SLC13A3: variants seen among roughly 807,000 people sequenced by gnomAD.
SLC13A3 encodes the protein Na(+)/dicarboxylate cotransporter 3.
A neutral mutation model predicts 59.0 loss-of-function variants in SLC13A3; 40 were observed. The ratio of observed to expected loss-of-function variants is 0.68; its 90% CI spans 0.53 to 0.88. The LOEUF (loss-of-function observed/expected upper bound fraction) is 0.88, where lower values mean the gene tolerates loss of function less well. Ranked by LOEUF, SLC13A3 falls within the 40% of genes least tolerant of loss-of-function variation. The pLI, the probability that SLC13A3 is intolerant of heterozygous loss-of-function variation, is 0.00. For synonymous variants in SLC13A3, 317 were observed against 330.3 expected (o/e 0.96, Z 0.44); for missense variants, 699 against 783.2 (o/e 0.89, Z 1.28).
At chr20:46,656,567 T>A (rs574320898) in intron 1 of SLC13A3, among the ~76,000 whole-genome samples, 15 of 147,122 alleles carry the variant, frequency 1.0e-4, no homozygotes, top group Admixed American at 2.7e-4. Flanking sequence ...ATATGATATA[T>A]ACTATACAGT....
chr20:46,573,819 C>A (rs2062049461), intron 10 of SLC13A3, among the ~76,000 whole-genome samples: 1 of 152,214 alleles, frequency 6.6e-6, no homozygotes, highest in South Asian at 2.1e-4. Flanking sequence ...GGCTTCTGCC[C>A]AGTGTACACA....
Position 46,560,088 on chromosome 20 carries a change from A to G in SLC13A3, c.1743T>C (p.Asp581=). The change falls in exon 13 of 13, where the codon GAT becomes GAC. Residue 581 remains aspartate (D), a synonymous_variant. Transcript: ENST00000279027. ...FQLGTFPDWA[D]MYSVNVTALP... ...ATGCTGTGACATTGACCGAGTACAT[A>G]TCAGCCCAGTCCGGGAAGGTGCCCA... 6.2e-7 allele frequency: 1 copy of G among 1,614,178 alleles called. No homozygotes were observed. Among genetic ancestry groups the G allele is most frequent in the Non-Finnish European group, 8.5e-7 (1 of 1,180,036 alleles).
At chr20:46,661,390 CA>C (rs1443326115) in intron 1 of SLC13A3, among the ~76,000 whole-genome samples, 2 of 152,154 alleles carry the variant, frequency 1.3e-5, no homozygotes, top group Admixed American at 1.3e-4. Context: ...AGCTTTGGTG[CA>C]GTTTTAGATT....
intron 11 of SLC13A3, among the ~76,000 whole-genome samples, 197 bp downstream of exon 11, chr20:46,566,032 T>C (rs950868768): frequency 5.3e-5 from 8 of 152,190 alleles, no homozygotes; most frequent in African/African-American, 1.9e-4. Context: ...ACTTTGAAAA[T>C]ATTTACTCTA....
upstream of SLC13A3, among the ~76,000 whole-genome samples, chr20:46,653,228 A>G (rs996778766): frequency 1.3e-5 from 2 of 152,292 alleles, no homozygotes; most frequent in East Asian, 3.9e-4. Context: ...TTAACTATAT[A>G]TCACCAAGCA....
At position 46,643,056 on chromosome 20, in the gene SLC13A3, A is replaced by G. The variant is rs115121689; in HGVS notation, c.111+8255T>C. On this transcript the variant is annotated intron_variant, in intron 1 of 12. Coordinates refer to ENST00000279027, the MANE Select transcript of SLC13A3 (RefSeq NM_022829.6). The stretch of plus-strand genomic sequence containing the variant: ...GCCAAGAACTTAGCACACAACTGGC[A>G]TTCTTTCTTTCACTTATTCGAGACA... 2.8e-3 allele frequency among the ~76,000 whole-genome samples: 430 copies of G among 152,244 alleles called. 1 individual carries two copies. The highest frequency in any genetic ancestry group is 0.01 in the African/African-American group (417 of 41,544).
chr20:46,594,473 TTCCTGTCCA>T (rs2062289971), intron 5 of SLC13A3, among the ~76,000 whole-genome samples: 1 of 152,012 alleles, frequency 6.6e-6, no homozygotes, highest in South Asian at 2.1e-4. Flanking sequence ...AGCCCACATC[TTCCTGTCCA>T]GCCCTGGGGA....
At chr20:46,654,843 T>C (rs2062973132), upstream of SLC13A3, among the ~76,000 whole-genome samples, 1 of 152,228 alleles carries the variant, frequency 6.6e-6, no homozygotes, top group African/African-American at 2.4e-5. Flanking sequence ...GAACTTCCTT[T>C]AATCATTCTT....
chr20:46,634,606 G>A (rs7261227), intron 1 of SLC13A3, among the ~76,000 whole-genome samples: 13,061 of 152,146 alleles, frequency 0.086, 568 homozygotes, highest in African/African-American at 0.098. Context: ...CAAGTTCTTG[G>A]AGCCATTCAT....
chr20:46,604,094 G>A (rs770264928), intron 3 of SLC13A3, among the ~76,000 whole-genome samples: 1 of 152,116 alleles, frequency 6.6e-6, no homozygotes, highest in African/African-American at 2.4e-5. Flanking sequence ...CAGAGCATAG[G>A]GAATGATTCT....
At chr20:46,618,900 G>A (rs1237591976) in intron 1 of SLC13A3, among the ~76,000 whole-genome samples, 2 of 152,194 alleles carry the variant, frequency 1.3e-5, no homozygotes, top group African/African-American at 4.8e-5. Flanking sequence ...TAACACTCCA[G>A]GAGTAGCTCC....
chr20:46,651,550 G>A, upstream of SLC13A3: 12 of 1,316,322 alleles, frequency 9.1e-6, no homozygotes, highest in Non-Finnish European at 1.2e-5. Context: ...TGCTCCTCCT[G>A]GAGGAAAAGG....
intron 10 of SLC13A3, among the ~76,000 whole-genome samples, chr20:46,568,884 C>T (rs973137716): frequency 6.6e-6 from 1 of 152,236 alleles, no homozygotes; most frequent in Non-Finnish European, 1.5e-5. Flanking sequence ...ACAGCTCCAG[C>T]GCTGGAGGGA....
At chr20:46,660,734 TTCTC>T (rs373906095) in intron 1 of SLC13A3, among the ~76,000 whole-genome samples, 1 of 152,180 alleles carries the variant, frequency 6.6e-6, no homozygotes, top group Admixed American at 6.5e-5. Context: ...TTTTGCCCCA[TTCTC>T]TCTCTCCTTT....
chr20:46,571,317 TAC>T (rs2062026695), intron 10 of SLC13A3, among the ~76,000 whole-genome samples: 1 of 152,158 alleles, frequency 6.6e-6, no homozygotes, highest in Non-Finnish European at 1.5e-5. Context: ...ATGGGGAGAA[TAC>T]ACATTTTCTC....
Position 46,566,244 on chromosome 20 carries a change from C to T in SLC13A3, c.1479G>A (p.Pro493=), listed in dbSNP as rs1205606883. 3.7e-6 allele frequency: 6 copies of T among 1,613,264 alleles called. No homozygotes were observed. Among genetic ancestry groups the T allele is most frequent in the East Asian group, 2.2e-5 (1 of 44,822 alleles). Residue 493 remains proline, a synonymous_variant, in exon 11 of 13, where the codon CCG becomes CCA. Transcript: ENST00000279027. ...GGACCCTCACCAGCTCTGCCAGGAC[C>T]GGCAGGAAGATGATGATGGTCGCCG... ...SNTATIIIFL[P]VLAELAIRLR...
In SLC13A3 at chr20:46,598,613, TC is replaced by T. The variant is rs1279382566; in HGVS notation, c.608+1357del. ...GGCTGAACCAATCACAGAACTCATG[TC>T]TCAAAGTTGGACTCAAAGCCCCCAA... On this transcript the variant is annotated intron_variant, in intron 4 of 12. Transcript: ENST00000279027. 3.9e-5 allele frequency among the ~76,000 whole-genome samples: 6 copies of T among 152,118 alleles called. No individual in the cohort carries two copies. The East Asian group carries it at 1.2e-3, about 29-fold the overall frequency.
Position 46,588,168 on chromosome 20 carries a change from G to C in SLC13A3, c.1017-5C>G. Reference sequence around the variant, plus strand: ...AAAACAGCCTGTTCGGCAAACCTGTGGCACAGACATGCAGGCATGATGGTG... The same window carrying C: ...AAAACAGCCTGTTCGGCAAACCTGTCGCACAGACATGCAGGCATGATGGTG... On this transcript the variant is annotated splice_region_variant and splice_polypyrimidine_tract_variant and intron_variant, in intron 7 of 12. Transcript: ENST00000279027. The C allele has an allele frequency of 1.3e-6, 2 of 1,593,970 alleles. No individual in the cohort carries two copies. The highest frequency in any genetic ancestry group is 1.7e-6 in the Non-Finnish European group (2 of 1,164,666).
At chr20:46,627,844 C>G (rs2062691866) in intron 1 of SLC13A3, among the ~76,000 whole-genome samples, 1 of 152,174 alleles carries the variant, frequency 6.6e-6, no homozygotes, top group Non-Finnish European at 1.5e-5. Flanking sequence ...AACCCCTGCT[C>G]CATTTTAAAA....
Sources: gnomAD v4.1 joint callset for allele counts (sites outside exome capture counted in the v4.1 genomes callset) on GRCh38, gnomAD v4.1.1 for gene constraint, MANE v1.5 for transcripts, NCBI Gene and HGNC (gene_info 2026-07-23, HGNC 2026-07-21) for gene names.